PRMT3: variants seen among roughly 807,000 people sequenced by gnomAD.
The protein encoded by PRMT3 is protein arginine methyltransferase 3.
A neutral mutation model predicts 71.9 loss-of-function variants in PRMT3; 62 were observed. The ratio of observed to expected loss-of-function variants is 0.86; its 90% CI spans 0.70 to 1.07. The LOEUF is 1.07. Ranked by LOEUF, PRMT3 falls within the 50% of genes least tolerant of loss-of-function variation. The probability of loss-of-function intolerance (pLI) is 0.00; values close to 1 mark genes in which losing one functional copy is unlikely to be tolerated. For synonymous variants in PRMT3, 213 were observed against 220.4 expected, an observed-to-expected ratio of 0.97 and a Z score of 0.30; for missense variants, 663 against 643.0, an observed-to-expected ratio of 1.03 and a Z score of -0.34.
At chr11:20,445,215 T>G (rs1018386594) in intron 10 of PRMT3, among the ~76,000 whole-genome samples, 17 of 152,136 alleles carry the variant, frequency 1.1e-4, no homozygotes, top group African/African-American at 4.1e-4. Context: ...CAAAATGTAG[T>G]ATGAAAAACT....
chr11:20,396,092 T>A, intron 6 of PRMT3, 130 bp downstream of exon 6: 1 of 794,220 alleles, frequency 1.3e-6, no homozygotes, highest in Non-Finnish European at 1.9e-6. Flanking sequence ...CTTCATACTG[T>A]TAAAGATATG....
intron 9 of PRMT3, among the ~76,000 whole-genome samples, chr11:20,421,232 C>T (rs1303446537): frequency 6.6e-6 from 1 of 152,084 alleles, no homozygotes; most frequent in Admixed American, 6.6e-5. Context: ...GAGACAAGTT[C>T]TTCCTATGTT....
chr11:20,421,595 C>G (rs555045166), intron 9 of PRMT3, among the ~76,000 whole-genome samples: 23 of 152,292 alleles, frequency 1.5e-4, no homozygotes, highest in Non-Finnish European at 3.2e-4. Flanking sequence ...CCCTTAATGA[C>G]CACCAGAATT....
intron 10 of PRMT3, among the ~76,000 whole-genome samples, chr11:20,431,667 T>G (rs1252431237): frequency 6.6e-6 from 1 of 152,176 alleles, no homozygotes; most frequent in Non-Finnish European, 1.5e-5. Flanking sequence ...CATTTACTAA[T>G]TGACTGTCTG....
In PRMT3 at chr11:20,407,979, G is replaced by C; in HGVS notation, c.840G>C (p.Lys280Asn). ...SMFAAKAGAKKVLGVDQSEIL... is the reference protein window; with the variant it reads ...SMFAAKAGAKNVLGVDQSEIL... The stretch of plus-strand genomic sequence containing the variant: ...TTGCTGCTAAAGCTGGGGCGAAGAA[G>C]GTTCTTGGAGTTGATCAATCTGAAA... Residue 280 changes from lysine to asparagine, a missense_variant, in exon 9 of 16, where the codon AAG (lysine) becomes AAC (asparagine). By Grantham distance (94) the Lys-to-Asn change is moderately conservative. Transcript: ENST00000331079. 2 of 1,604,254 alleles carry C rather than the reference G, an allele frequency of 1.2e-6. No individual in the cohort carries two copies. Among genetic ancestry groups the C allele is most frequent in the South Asian group, 1.1e-5 (1 of 90,834 alleles).
intron 3 of PRMT3, among the ~76,000 whole-genome samples, chr11:20,390,729 CAACACTTTGGGAGGCCAAGGCAGGTGG>C: frequency 6.6e-6 from 1 of 152,190 alleles, no homozygotes; most frequent in Non-Finnish European, 1.5e-5. Flanking sequence ...CCTGTGATTC[CAACACTTTGGGAGGCCAAGGCAGGTGG>C]ATCACAAGGT....
intron 9 of PRMT3, among the ~76,000 whole-genome samples, chr11:20,415,831 A>C (rs1849293182): frequency 6.6e-6 from 1 of 152,170 alleles, no homozygotes; most frequent in Non-Finnish European, 1.5e-5. Context: ...CAATCATATG[A>C]GTGATCTGGG....
intron 12 of PRMT3, among the ~76,000 whole-genome samples, chr11:20,463,898 GA>G (rs35888647): frequency 0.9 from 136,302 of 152,220 alleles, 62,126 homozygotes; most frequent in Non-Finnish European, 0.99. Flanking sequence ...TCTCTGGATC[GA>G]AATCTCCATA....
At position 20,387,799 on chromosome 11, in the gene PRMT3, C is replaced by G; in HGVS notation, c.28+25C>G. 1.3e-6 allele frequency: 2 copies of G among 1,541,488 alleles called. No homozygotes were observed. Among genetic ancestry groups the G allele is most frequent in the Non-Finnish European group, 1.7e-6 (2 of 1,146,256 alleles). ...GGTGGGTACCCTGGCCCCTCAGCAC[C>G]CGGCTCGTCCAGCCCCAGGCCGCGC... On this transcript the variant is annotated intron_variant, in intron 1 of 15. Coordinates refer to ENST00000331079, the MANE Select transcript of PRMT3 (RefSeq NM_005788.4). This position sits in a 1 kb window ranked among gnomAD's most constrained non-coding sequence, Gnocchi z 4.3.
chr11:20,423,473 C>T (rs1042481178), intron 9 of PRMT3, among the ~76,000 whole-genome samples: 1 of 152,260 alleles, frequency 6.6e-6, no homozygotes, highest in Non-Finnish European at 1.5e-5. Flanking sequence ...TCTATTGCCT[C>T]TTTCACACAG....
chr11:20,501,273 C>T (rs986884264), intron 15 of PRMT3, among the ~76,000 whole-genome samples: 4 of 152,088 alleles, frequency 2.6e-5, no homozygotes, highest in African/African-American at 7.2e-5. Context: ...TAGTGTGCCT[C>T]CCTCATTCCT....
chr11:20,504,736 G>A (rs1263291410), intron 15 of PRMT3, among the ~76,000 whole-genome samples: 2 of 151,714 alleles, frequency 1.3e-5, no homozygotes, highest in African/African-American at 4.9e-5. Flanking sequence ...GAGAGAGAGA[G>A]AGAGAGAGAG....
intron 10 of PRMT3, among the ~76,000 whole-genome samples, chr11:20,430,345 A>G (rs756561260): frequency 6.6e-6 from 1 of 152,172 alleles, no homozygotes; most frequent in Non-Finnish European, 1.5e-5. Context: ...GCAGAGATGT[A>G]CATGTTTTCT....
chr11:20,397,446 C>G, intron 6 of PRMT3, 131 bp from the exon 7 acceptor site: 2 of 877,402 alleles, frequency 2.3e-6, no homozygotes, highest in East Asian at 2.5e-5. Context: ...TTCAGTTGTT[C>G]AAGATAGAAT....
chr11:20,465,585 C>G (rs1234653856), intron 13 of PRMT3, among the ~76,000 whole-genome samples: 3 of 151,788 alleles, frequency 2.0e-5, no homozygotes, highest in Non-Finnish European at 2.9e-5. Context: ...TATTTTATAT[C>G]CAAATAAGTT....
chr11:20,397,654 A>G lies in PRMT3; in HGVS notation c.638A>G (p.Gln213Arg), dbSNP rs1013963676. 2 of 1,614,028 alleles carry G rather than the reference A, an allele frequency of 1.2e-6. No individual in the cohort carries two copies. Among genetic ancestry groups the G allele is most frequent in the Non-Finnish European group, 1.7e-6 (2 of 1,180,014 alleles). Residue 213 changes from glutamine (Q) to arginine (R), a missense_variant, in exon 7 of 16, where the codon CAG becomes CGG. Transcript: ENST00000331079. ...TCTACTAGTGTCATTGCGGACCTCC[A>G]GGAGGATGAGGATGGTGTTTATTTC... ...SSSTSVIADL[Q>R]EDEDGVYFSS...
At chr11:20,417,378 C>G (rs1040768232) in intron 9 of PRMT3, among the ~76,000 whole-genome samples, 6 of 152,070 alleles carry the variant, frequency 3.9e-5, no homozygotes, top group Admixed American at 3.3e-4. Flanking sequence ...TTCTTCTCCC[C>G]CATAAGCTAT....
chr11:20,488,589 A>G (rs1267206987), intron 13 of PRMT3, among the ~76,000 whole-genome samples: 1 of 152,188 alleles, frequency 6.6e-6, no homozygotes, highest in Non-Finnish European at 1.5e-5. Flanking sequence ...TATCTGCTGT[A>G]ACCACATGCT....
intron 11 of PRMT3, among the ~76,000 whole-genome samples, chr11:20,458,623 C>T (rs1454123696): frequency 6.6e-6 from 1 of 152,088 alleles, no homozygotes. Context: ...GGCAGGTGGT[C>T]CAAGATTTTA....
Sources: allele counts gnomAD v4.1 joint callset (sites outside exome capture counted in the v4.1 genomes callset), GRCh38; gene constraint gnomAD v4.1.1; non-coding constraint Gnocchi (gnomAD v3.1); transcripts MANE v1.5; gene names NCBI Gene and HGNC (gene_info 2026-07-23, HGNC 2026-07-21).